Variants in TANC2 observed in about 807,000 individuals in gnomAD.
The protein encoded by TANC2 is protein TANC2.
Under a neutral mutation model 210.5 loss-of-function variants are expected in TANC2, and 26 were observed. That is an observed-to-expected ratio of 0.12 (90% confidence interval 0.09 to 0.17). The LOEUF is 0.17. TANC2 is among the 10% of genes least tolerant of loss of function. The pLI is 1.00. For synonymous variants in TANC2, 931 were observed against 967.1 expected (o/e 0.96, Z 0.69); for missense variants, 2,129 against 2,608.9 (o/e 0.82, Z 4.01).
intron 12 of TANC2, among the ~76,000 whole-genome samples, chr17:63,341,595 G>T (rs928699304): frequency 6.6e-6 from 1 of 152,146 alleles, no homozygotes; most frequent in Non-Finnish European, 1.5e-5. Flanking sequence ...CTCATTGCTG[G>T]ACATGACTGG....
intron 11 of TANC2, among the ~76,000 whole-genome samples, chr17:63,338,280 G>A (rs1025586112): frequency 6.6e-6 from 1 of 152,088 alleles, no homozygotes; most frequent in Admixed American, 6.6e-5. Flanking sequence ...CAGCACAGAA[G>A]GTGCAACTTC....
chr17:63,195,558 A>T (rs2041318575), intron 6 of TANC2, among the ~76,000 whole-genome samples: 1 of 152,180 alleles, frequency 6.6e-6, no homozygotes, highest in African/African-American at 2.4e-5. Context: ...ACTAGAATGT[A>T]AGGCTGGAAG....
intron 14 of TANC2, among the ~76,000 whole-genome samples, chr17:63,358,710 A>G (rs908754809): frequency 6.6e-6 from 1 of 152,218 alleles, no homozygotes; most frequent in Non-Finnish European, 1.5e-5. Flanking sequence ...CAACTTGTGC[A>G]TTTAAAATAA....
At chr17:63,148,693 CT>C (rs2039545247) in intron 4 of TANC2, 1 of 152,164 alleles carries the variant, frequency 6.6e-6, no homozygotes, top group African/African-American at 2.4e-5. Context: ...ATCTCAACCA[CT>C]TTCTTTCTTC....
At chr17:62,989,069 C>T (rs998442239) in intron 1 of TANC2, among the ~76,000 whole-genome samples, 5 of 152,278 alleles carry the variant, frequency 3.3e-5, no homozygotes, top group Middle Eastern at 3.4e-3. Context: ...ATTTCCTTTA[C>T]ACTTTATCTT....
intron 2 of TANC2, among the ~76,000 whole-genome samples, chr17:63,041,351 T>C (rs913801011): frequency 1.2e-4 from 19 of 152,156 alleles, no homozygotes; most frequent in Non-Finnish European, 1.2e-4. Flanking sequence ...TAAAATGTTA[T>C]ATAATCCTGA....
chr17:63,200,997 T>C (rs1442311434), intron 7 of TANC2, 40 bp downstream of exon 7: 4 of 1,548,064 alleles, frequency 2.6e-6, no homozygotes, highest in Non-Finnish European at 3.5e-6. Context: ...TGTCCTTTTT[T>C]TCCTTTTTAA....
chr17:63,395,112 T>A (rs2048111718), intron 17 of TANC2, among the ~76,000 whole-genome samples: 1 of 152,232 alleles, frequency 6.6e-6, no homozygotes, highest in African/African-American at 2.4e-5. Flanking sequence ...TCAATCTTGA[T>A]CAGGGTCTTC....
intron 2 of TANC2, among the ~76,000 whole-genome samples, chr17:63,027,462 T>A (rs1209640630): frequency 6.6e-6 from 1 of 152,090 alleles, no homozygotes; most frequent in Non-Finnish European, 1.5e-5. Context: ...AATGATAAAT[T>A]ATTTTAATAC....
chr17:63,101,112 T>G (rs1466936839), intron 4 of TANC2, among the ~76,000 whole-genome samples: 2 of 152,162 alleles, frequency 1.3e-5, no homozygotes, highest in Non-Finnish European at 2.9e-5. Flanking sequence ...ATTGTCTAGT[T>G]TAACCTGGAA....
At chr17:63,374,180 GC>G (rs1351476207) in intron 14 of TANC2, among the ~76,000 whole-genome samples, 13 of 151,748 alleles carry the variant, frequency 8.6e-5, no homozygotes, top group Admixed American at 1.3e-4. Context: ...GGAACTACAG[GC>G]ACACGCCAGC....
chr17:63,279,716 C>T (rs779076673), intron 9 of TANC2, among the ~76,000 whole-genome samples: 8 of 152,094 alleles, frequency 5.3e-5, no homozygotes, highest in African/African-American at 1.9e-4. Context: ...GAGCACTGTA[C>T]AGAAAGGACA....
At chr17:63,135,682 A>G (rs1053373510) in intron 4 of TANC2, among the ~76,000 whole-genome samples, 1 of 152,164 alleles carries the variant, frequency 6.6e-6, no homozygotes, top group Non-Finnish European at 1.5e-5. Context: ...TGTTTATATA[A>G]TACCTTAAAT....
intron 4 of TANC2, among the ~76,000 whole-genome samples, chr17:63,135,712 A>G (rs1328403249): frequency 3.9e-5 from 6 of 152,202 alleles, no homozygotes; most frequent in Non-Finnish European, 8.8e-5. Context: ...GTTATTTATC[A>G]TAGCTACTTT....
intron 14 of TANC2, among the ~76,000 whole-genome samples, chr17:63,357,871 C>T (rs2046823959): frequency 6.6e-6 from 1 of 152,210 alleles, no homozygotes; most frequent in South Asian, 2.1e-4. Flanking sequence ...GTTTCTCCTT[C>T]TGTTCTCCAC....
At chr17:63,256,638 T>C (rs2146198357) in intron 8 of TANC2, among the ~76,000 whole-genome samples, 1 of 152,322 alleles carries the variant, frequency 6.6e-6, no homozygotes, top group East Asian at 1.9e-4. Flanking sequence ...TTAAGTCGAA[T>C]GTTTCTTTTG....
In TANC2 at chr17:63,420,199, C is replaced by A. The variant is rs769422542; in HGVS notation, c.4469C>A (p.Ser1490Tyr). 3 of 1,600,362 alleles carry A rather than the reference C, an allele frequency of 1.9e-6. No individual in the cohort carries two copies. Among genetic ancestry groups the A allele is most frequent in the Non-Finnish European group, 2.6e-6 (3 of 1,173,024 alleles). ...GAGCCACAGCATGAAGACATATACT[C>A]TGTACAGGATATATTCGAGGAGGAG... Residue 1490 changes from serine to tyrosine, a missense_variant, in exon 28 of 28, where the codon TCT becomes TAT. Physicochemically the swap from Ser to Tyr is moderately radical, Grantham distance 144. Around this residue, in one of 5 missense-constraint regions of TANC2, gnomAD observed 584 missense variants for 627.3 expected, o/e 0.93. Coordinates refer to ENST00000689528, the Ensembl canonical transcript of TANC2. The surrounding 1 kb of genome is among the most constrained non-coding windows in gnomAD (Gnocchi z 4.2).
intron 7 of TANC2, among the ~76,000 whole-genome samples, chr17:63,219,568 G>A (rs907147158): frequency 6.6e-6 from 1 of 152,032 alleles, no homozygotes; most frequent in Non-Finnish European, 1.5e-5. Flanking sequence ...ATGCCACCAT[G>A]CCCGGCTAAT....
chr17:63,222,727 A>G (rs2042227965), intron 7 of TANC2, among the ~76,000 whole-genome samples: 1 of 150,904 alleles, frequency 6.6e-6, no homozygotes, highest in Non-Finnish European at 1.5e-5. Context: ...TTAAACACAC[A>G]CACACACACA....
Sources: gnomAD v4.1 joint callset for allele counts (sites outside exome capture counted in the v4.1 genomes callset) on GRCh38, gnomAD v4.1.1 for gene constraint, gnomAD v4.1.1 regional missense constraint, Gnocchi (gnomAD v3.1) non-coding constraint, MANE v1.5 for transcripts, NCBI Gene and HGNC (gene_info 2026-07-23, HGNC 2026-07-21) for gene names.